PCDHA12: variants seen among roughly 807,000 people sequenced by gnomAD.
PCDHA12 encodes protocadherin alpha 12, also known as protocadherin alpha-12.
A neutral mutation model predicts 60.0 loss-of-function variants in PCDHA12; 44 were observed. The observed-to-expected ratio is 0.73, with a 90% CI of 0.58 to 0.94. PCDHA12 has a LOEUF of 0.94. PCDHA12 is among the 40% of genes least tolerant of loss of function. The pLI is 0.00. For synonymous variants in PCDHA12, 569 were observed against 553.0 expected (o/e 1.03, Z -0.40); for missense variants, 1,276 against 1,239.7 (o/e 1.03, Z -0.44).
intron 1 of PCDHA12, among the ~76,000 whole-genome samples, chr5:140,918,323 T>C (rs1554198562): frequency 7.2e-5 from 11 of 152,184 alleles, no homozygotes. Flanking sequence ...TATAAAATTA[T>C]ATTGTCTGCT....
chr5:140,978,702 T>G (rs1200035752), intron 1 of PCDHA12, among the ~76,000 whole-genome samples: 2 of 152,252 alleles, frequency 1.3e-5, no homozygotes, highest in Non-Finnish European at 2.9e-5. Context: ...AAGCCAAAGG[T>G]GGCCTTTACA....
At chr5:140,947,106 C>T (rs1172898991) in intron 1 of PCDHA12, among the ~76,000 whole-genome samples, 2 of 151,140 alleles carry the variant, frequency 1.3e-5, no homozygotes, top group Non-Finnish European at 3.0e-5. Context: ...TAAATAGGTA[C>T]GTGTCAATTA....
chr5:140,970,751 T>G (rs2096430046), intron 1 of PCDHA12, among the ~76,000 whole-genome samples: 1 of 152,232 alleles, frequency 6.6e-6, no homozygotes, highest in African/African-American at 2.4e-5. Flanking sequence ...GCAATATATT[T>G]TCATTGACAT....
Position 140,893,829 on chromosome 5 carries a change from A to G in PCDHA12, c.2367+15990A>G, listed in dbSNP as rs528174798. On this transcript the variant is annotated intron_variant, in intron 1 of 3. Transcript: ENST00000398631. ...TTGAGTCTGGTACCGTAGACTACTC[A>G]GCCATCCTGATGCCCTACCTCTTGT... Among the ~76,000 whole-genome samples the G allele has an allele frequency of 2.0e-5, 3 of 152,296 alleles. No homozygotes were observed. The South Asian group carries it at 6.2e-4, about 32-fold the overall frequency.
chr5:140,892,733 C>G lies in PCDHA12; in HGVS notation c.2367+14894C>G, dbSNP rs183181952. Reference sequence around the variant, plus strand: ...CATATTCATAATCTCAAACATTTACCATTTTTGCATGGTGAACATTTAAAA... The same window carrying G: ...CATATTCATAATCTCAAACATTTACGATTTTTGCATGGTGAACATTTAAAA... On this transcript the variant is annotated intron_variant, in intron 1 of 3. Coordinates refer to ENST00000398631, the MANE Select transcript of PCDHA12 (RefSeq NM_018903.4). Among the ~76,000 whole-genome samples the G allele has an allele frequency of 8.1e-4, 123 of 152,172 alleles. No individual in the cohort carries two copies. In the Middle Eastern group the frequency reaches 0.02, roughly 25 times the overall value.
chr5:140,946,216 C>T (rs1361042644), intron 1 of PCDHA12, among the ~76,000 whole-genome samples: 1 of 151,868 alleles, frequency 6.6e-6, no homozygotes, highest in Non-Finnish European at 1.5e-5. Flanking sequence ...AAATGACCAA[C>T]AGGTATACTA....
rs199990641 is a variant in PCDHA12, at chr5:140,966,961, G to C, written c.2368-11988G>C. On this transcript the variant is annotated intron_variant, in intron 1 of 3. Coordinates refer to ENST00000398631, the MANE Select transcript of PCDHA12 (RefSeq NM_018903.4). ...TCGTGGGCAACGTGGCTCGCGCGCT[G>C]GGGCTTGAGCTGCGGCGCTTGGGGC... The C allele has an allele frequency of 8.7e-6, 14 of 1,603,190 alleles. No individual in the cohort carries two copies. The East Asian group carries it at 2.7e-4, about 31-fold the overall frequency.
chr5:140,947,882 T>C (rs1554218353), intron 1 of PCDHA12, among the ~76,000 whole-genome samples: 1 of 151,580 alleles, frequency 6.6e-6, no homozygotes, highest in Non-Finnish European at 1.5e-5. Context: ...TCCAGGACAA[T>C]ATAAACAGAA....
intron 1 of PCDHA12, among the ~76,000 whole-genome samples, chr5:140,914,821 A>G (rs1046692794): frequency 6.6e-6 from 1 of 152,212 alleles, no homozygotes; most frequent in Non-Finnish European, 1.5e-5. Flanking sequence ...AACAGACTGC[A>G]TAAACAAAAA....
chr5:141,009,595 C>G (rs781807814), intron 3 of PCDHA12, 32 bp from the exon 4 acceptor site: 1 of 1,604,124 alleles, frequency 6.2e-7, no homozygotes, highest in Non-Finnish European at 8.5e-7. Flanking sequence ...TGTGTTGACC[C>G]TGTTAATGAT....
At chr5:140,939,285 T>A (rs2092357056) in intron 1 of PCDHA12, among the ~76,000 whole-genome samples, 1 of 152,108 alleles carries the variant, frequency 6.6e-6, no homozygotes, top group Admixed American at 6.5e-5. Flanking sequence ...GCCCTCGTGA[T>A]CTAATCATCT....
intron 1 of PCDHA12, chr5:140,966,838 G>T: frequency 6.4e-7 from 1 of 1,566,772 alleles, no homozygotes. Flanking sequence ...CCTGGCTGCT[G>T]CTACTGCCTC....
intron 1 of PCDHA12, chr5:140,969,195 A>G: frequency 6.2e-7 from 1 of 1,614,158 alleles, no homozygotes; most frequent in Non-Finnish European, 8.5e-7. Flanking sequence ...ATGTTTTACA[A>G]TACAGGGGCC....
intron 1 of PCDHA12, chr5:140,884,631 A>G: frequency 2.5e-6 from 4 of 1,612,580 alleles, no homozygotes; most frequent in Non-Finnish European, 3.4e-6. Flanking sequence ...GGAACAGGCC[A>G]GAGGGAGGAG....
intron 1 of PCDHA12, among the ~76,000 whole-genome samples, chr5:140,960,851 T>C (rs782540669): frequency 5.3e-5 from 8 of 152,210 alleles, no homozygotes; most frequent in Non-Finnish European, 7.3e-5. Context: ...TAATGGCAAC[T>C]ATAAGCCAGA....
chr5:140,940,253 A>G (rs1216858680), intron 1 of PCDHA12, among the ~76,000 whole-genome samples: 1 of 152,124 alleles, frequency 6.6e-6, no homozygotes, highest in Middle Eastern at 3.2e-3. Context: ...CCTCCTCAAT[A>G]TCTTCTGGGT....
intron 1 of PCDHA12, among the ~76,000 whole-genome samples, chr5:140,891,046 C>T (rs576145840): frequency 6.6e-6 from 1 of 152,270 alleles, no homozygotes; most frequent in African/African-American, 2.4e-5. Context: ...GTGACCCCCA[C>T]AGCACATAGT....
intron 3 of PCDHA12, among the ~76,000 whole-genome samples, chr5:140,987,524 GT>G (rs1341881093): frequency 6.6e-6 from 1 of 152,144 alleles, no homozygotes; most frequent in Non-Finnish European, 1.5e-5. Flanking sequence ...GTAATTGTAT[GT>G]TCCTGGGACC....
At chr5:140,918,252 C>T (rs931753296) in intron 1 of PCDHA12, among the ~76,000 whole-genome samples, 1 of 152,078 alleles carries the variant, frequency 6.6e-6, no homozygotes, top group East Asian at 1.9e-4. Context: ...TATGCTGAAA[C>T]TTTGCTGGAG....
Sources: allele counts gnomAD v4.1 joint callset (sites outside exome capture counted in the v4.1 genomes callset), GRCh38; gene constraint gnomAD v4.1.1; transcripts MANE v1.5; gene names NCBI Gene and HGNC (gene_info 2026-07-23, HGNC 2026-07-21).